The following CNTRL variants were observed in gnomAD, a reference collection of about 807,000 sequenced individuals.
The protein encoded by CNTRL is centriolin, also known as 110 kDa centrosomal protein.
In CNTRL, 233 loss-of-function variants were observed where a neutral mutation model predicts 303.7. The observed-to-expected ratio is 0.77, with a 90% CI of 0.69 to 0.86. The LOEUF (loss-of-function observed/expected upper bound fraction) is 0.86. CNTRL is among the 40% of genes least tolerant of loss of function. CNTRL has a pLI of 0.00. For missense variants in CNTRL, 2,524 were observed against 2,650.6 expected, an observed-to-expected ratio of 0.95 and a Z score of 1.05; for synonymous variants, 900 against 922.2, an observed-to-expected ratio of 0.98 and a Z score of 0.44.
In CNTRL at chr9:121,118,685, C is replaced by T. The variant is rs1229709744; in HGVS notation, c.1650+145C>T. On this transcript the variant is annotated intron_variant, in intron 12 of 43. Coordinates refer to ENST00000373855, the MANE Select transcript of CNTRL (RefSeq NM_007018.6). ...TGATATATACATACAGTCAGCCCTCCATATCCATGGGTTCTGCATCTGTGG... is the reference window on the plus strand; with the variant it reads ...TGATATATACATACAGTCAGCCCTCTATATCCATGGGTTCTGCATCTGTGG... The T allele has an allele frequency of 1.5e-5, 8 of 521,684 alleles. No individual in the cohort carries two copies. The Admixed American group carries it at 2.2e-4, about 14-fold the overall frequency. 32.3% of individuals were successfully genotyped at this position (521,684 alleles called of 1,614,324 possible).
chr9:121,154,971 C>T (rs1454618012), intron 27 of CNTRL, 58 bp downstream of exon 27: 1 of 1,402,354 alleles, frequency 7.1e-7, no homozygotes, highest in Non-Finnish European at 1.0e-6. Flanking sequence ...GCTTACTGTC[C>T]ACCTGAAGGA....
intron 15 of CNTRL, among the ~76,000 whole-genome samples, chr9:121,136,469 C>T (rs2051200927): frequency 6.6e-6 from 1 of 152,108 alleles, no homozygotes; most frequent in African/African-American, 2.4e-5. Flanking sequence ...GCCACCATGC[C>T]TGGCCAATTT....
chr9:121,137,050 T>C (rs577550739), intron 15 of CNTRL, among the ~76,000 whole-genome samples: 2 of 152,226 alleles, frequency 1.3e-5, no homozygotes, highest in Admixed American at 1.3e-4. Flanking sequence ...ATAGTACATT[T>C]GAAGTGCTGA....
chr9:121,141,552 G>A lies in CNTRL; in HGVS notation c.2655G>A (p.Glu885=), dbSNP rs1275436288. The A allele has an allele frequency of 3.7e-6, 6 of 1,613,980 alleles. No homozygotes were observed. The highest frequency in any genetic ancestry group is 1.7e-5 in the Admixed American group (1 of 59,998). ...QQEKLATGQE[E]FRQACERALE... ...AGAAACTGGCAACTGGACAAGAAGA[G>A]TTCAGGCAGGCCTGTGAGAGAGCCC... is the stretch of plus-strand genomic sequence containing the variant. The change falls in exon 18 of 44, where the codon GAG becomes GAA. Residue 885 remains glutamate (E), a synonymous_variant. Coordinates refer to ENST00000373855, the MANE Select transcript of CNTRL (RefSeq NM_007018.6).
chr9:121,121,968 C>T (rs1401935761), intron 12 of CNTRL: 5 of 977,084 alleles, frequency 5.1e-6, no homozygotes, highest in South Asian at 9.5e-5. Context: ...TATTTTTTCT[C>T]TCTCTGTACA....
intron 5 of CNTRL, among the ~76,000 whole-genome samples, 165 bp from the exon 6 acceptor site, chr9:121,096,257 A>G (rs1410722610): frequency 6.6e-6 from 1 of 152,200 alleles, no homozygotes; most frequent in African/African-American, 2.4e-5. Flanking sequence ...GTTCTGGTAA[A>G]TTTGGCTTTA....
chr9:121,075,268 A>C (rs1354515437), intron 1 of CNTRL, among the ~76,000 whole-genome samples: 1 of 151,282 alleles, frequency 6.6e-6, no homozygotes, highest in East Asian at 1.9e-4. Flanking sequence ...TGGATGAAGG[A>C]GGGAGGTTTG....
At chr9:121,117,845 A>G (rs2050049449) in intron 11 of CNTRL, among the ~76,000 whole-genome samples, 1 of 151,932 alleles carries the variant, frequency 6.6e-6, no homozygotes, top group South Asian at 2.1e-4. Flanking sequence ...TGGGCGTGGT[A>G]GTGGGCGCCT....
At chr9:121,123,621 A>G (rs760315728) in intron 12 of CNTRL, among the ~76,000 whole-genome samples, 8 of 151,928 alleles carry the variant, frequency 5.3e-5, no homozygotes, top group Non-Finnish European at 8.8e-5. Context: ...TAAATAAATA[A>G]AAAAGAGAGA....
In CNTRL at chr9:121,142,205, C is replaced by T; in HGVS notation, c.2806C>T (p.Gln936Ter). ...MEEIQGLTDLQLQEADEEKER... is the reference protein window; with the variant it reads ...MEEIQGLTDL The stretch of plus-strand genomic sequence containing the variant: ...GGAAATCCAAGGCCTTACAGATCTC[C>T]AACTTCAGGAAGCTGATGAAGAGAA... Residue 936 changes from glutamine to a stop codon, truncating the protein, a stop_gained, in exon 19 of 44, where the codon CAA becomes TAA. Transcript: ENST00000373855. LOFTEE classifies it high-confidence loss of function. The T allele has an allele frequency of 6.2e-7, 1 of 1,612,082 alleles. No homozygotes were observed. Among genetic ancestry groups the T allele is most frequent in the Non-Finnish European group, 8.5e-7 (1 of 1,179,226 alleles).
At chr9:121,175,577 AC>A (rs2053489204) in intron 43 of CNTRL, among the ~76,000 whole-genome samples, 2 of 152,186 alleles carry the variant, frequency 1.3e-5, no homozygotes, top group African/African-American at 2.4e-5. Context: ...CCAAGAGGAA[AC>A]TCGTAAGATA....
At chr9:121,076,934 G>A (rs190620013) in intron 1 of CNTRL, among the ~76,000 whole-genome samples, 3 of 152,246 alleles carry the variant, frequency 2.0e-5, no homozygotes, top group African/African-American at 7.2e-5. Flanking sequence ...ATGGGGATGG[G>A]TATTTGCATA....
In CNTRL at chr9:121,148,866, G is replaced by A. The variant is rs754802340; in HGVS notation, c.3649+5G>A. ...ATAAACTGTTTCCAAGTAGAGGTAA[G>A]TCAAATCACATAGGAAAGTTGCATT... On this transcript the variant is annotated splice_donor_5th_base_variant and intron_variant, in intron 24 of 43. Coordinates refer to ENST00000373855, the MANE Select transcript of CNTRL (RefSeq NM_007018.6). 2 of 1,609,496 alleles carry A rather than the reference G, an allele frequency of 1.2e-6. No homozygotes were observed. The highest frequency in any genetic ancestry group is 2.2e-5 in the South Asian group (2 of 90,832).
intron 12 of CNTRL, among the ~76,000 whole-genome samples, chr9:121,123,303 G>A (rs142380913): frequency 2.5e-4 from 38 of 152,198 alleles, no homozygotes; most frequent in African/African-American, 7.9e-4. Context: ...TTTTAGGCTG[G>A]GCACGGTGGC....
intron 4 of CNTRL, among the ~76,000 whole-genome samples, chr9:121,093,454 GC>G (rs935954383): frequency 3.9e-5 from 6 of 152,226 alleles, no homozygotes; most frequent in African/African-American, 1.4e-4. Flanking sequence ...TAAGTATAAT[GC>G]AAATATTTCA....
intron 10 of CNTRL, among the ~76,000 whole-genome samples, chr9:121,114,429 T>TGGAAGGCAA (rs1406324926): frequency 6.6e-6 from 1 of 152,150 alleles, no homozygotes; most frequent in Non-Finnish European, 1.5e-5. Flanking sequence ...GTGGAAGGCA[T>TGGAAGGCAA]GGAAGGCAAA....
chr9:121,115,806 TG>T (rs1412356654), intron 11 of CNTRL, among the ~76,000 whole-genome samples: 1 of 152,234 alleles, frequency 6.6e-6, no homozygotes, highest in Non-Finnish European at 1.5e-5. Context: ...AAAATTATGA[TG>T]GTAACTACAT....
At chr9:121,092,082 T>A (rs1282486866) in intron 4 of CNTRL, among the ~76,000 whole-genome samples, 1 of 146,480 alleles carries the variant, frequency 6.8e-6, no homozygotes, top group Non-Finnish European at 1.5e-5. Context: ...TATTTATATA[T>A]AAATATAAAT....
At chr9:121,083,618 A>G (rs1213327179) in intron 2 of CNTRL, among the ~76,000 whole-genome samples, 1 of 152,206 alleles carries the variant, frequency 6.6e-6, no homozygotes, top group Non-Finnish European at 1.5e-5. Flanking sequence ...TTTTTAAAAA[A>G]TAAATAGAAG....
Sources: allele counts gnomAD v4.1 joint callset (sites outside exome capture counted in the v4.1 genomes callset), GRCh38; gene constraint gnomAD v4.1.1; transcripts MANE v1.5; gene names NCBI Gene and HGNC (gene_info 2026-07-23, HGNC 2026-07-21).